The following NCOA2 variants were observed in gnomAD, a reference collection of about 807,000 sequenced individuals.
NCOA2 encodes the protein nuclear receptor coactivator 2.
A neutral mutation model predicts 145.1 loss-of-function variants in NCOA2; 21 were observed. The observed-to-expected ratio is 0.14, with a 90% CI of 0.10 to 0.21. The LOEUF (loss-of-function observed/expected upper bound fraction) is 0.21. Ranked by LOEUF, NCOA2 falls within the 10% of genes least tolerant of loss-of-function variation. The pLI, the probability that NCOA2 is intolerant of heterozygous loss-of-function variation, is 1.00. For missense variants in NCOA2, 1,472 were observed against 1,837.6 expected (o/e 0.80, Z 3.64); for synonymous variants, 619 against 637.5 (o/e 0.97, Z 0.44).
At chr8:70,252,691 A>T (rs1275666282) in intron 2 of NCOA2, among the ~76,000 whole-genome samples, 1 of 152,172 alleles carries the variant, frequency 6.6e-6, no homozygotes, top group African/African-American at 2.4e-5. Flanking sequence ...CATTGGTATT[A>T]AGGTTTTTAT....
chr8:70,172,084 A>G (rs1051778206), intron 5 of NCOA2, among the ~76,000 whole-genome samples: 7 of 152,116 alleles, frequency 4.6e-5, no homozygotes, highest in African/African-American at 1.7e-4. Flanking sequence ...TCTCAGCCTC[A>G]CAAAGGGGTG....
At chr8:70,245,339 CG>C (rs1221956655) in intron 2 of NCOA2, 2 of 152,050 alleles carry the variant, frequency 1.3e-5, no homozygotes, top group Non-Finnish European at 2.9e-5. Context: ...GTGGAACACT[CG>C]AAAATTCTTC....
At chr8:70,371,781 AAC>A (rs773993356) in intron 1 of NCOA2, among the ~76,000 whole-genome samples, 1 of 152,208 alleles carries the variant, frequency 6.6e-6, no homozygotes, top group East Asian at 1.9e-4. Context: ...CACTTACAGC[AAC>A]AGTTTCCTCA....
chr8:70,414,176 T>C, the NCOA2 span, among the ~76,000 whole-genome samples: 4 of 152,226 alleles, frequency 2.6e-5, no homozygotes, highest in Non-Finnish European at 5.9e-5. Context: ...TTACTAATAT[T>C]GGGTACTTTC....
chr8:70,443,636 GT>G, the NCOA2 span, among the ~76,000 whole-genome samples: 1 of 152,066 alleles, frequency 6.6e-6, no homozygotes, highest in Non-Finnish European at 1.5e-5. Flanking sequence ...TCAGACCATA[GT>G]TTACTGCAGC....
chr8:70,221,367 C>T (rs1820119320), intron 2 of NCOA2, among the ~76,000 whole-genome samples: 1 of 152,160 alleles, frequency 6.6e-6, no homozygotes, highest in Non-Finnish European at 1.5e-5. Context: ...CAAATGAAAA[C>T]ATTTGCTCAT....
chr8:70,290,081 A>G (rs976536687), intron 2 of NCOA2, among the ~76,000 whole-genome samples: 2 of 152,202 alleles, frequency 1.3e-5, no homozygotes, highest in South Asian at 2.1e-4. Flanking sequence ...CCTAGGCCTC[A>G]GCTAAATGCT....
chr8:70,392,511 T>G lies in NCOA2; in HGVS notation c.-77+11189A>C, dbSNP rs1397639732. On this transcript the variant is annotated intron_variant, in intron 1 of 22. Transcript: ENST00000452400. ...GTGTTGCCACAAGTATATATTAATG[T>G]GTGAACTGGAAGGTCTTTGCTCCTT... 2.0e-5 allele frequency among the ~76,000 whole-genome samples: 3 copies of G among 152,368 alleles called. No homozygotes were observed. The South Asian group carries it at 6.2e-4, about 32-fold the overall frequency.
At chr8:70,434,673 A>G in the NCOA2 span, among the ~76,000 whole-genome samples, 1 of 152,082 alleles carries the variant, frequency 6.6e-6, no homozygotes, top group Admixed American at 6.5e-5. Flanking sequence ...GGCTCACGTG[A>G]TCTTCTTGCC....
Position 70,126,897 on chromosome 8 carries a change from C to A in NCOA2, c.3832G>T (p.Ala1278Ser). ...QGLNMTPSMV[A>S]PSGMPATMSN... is the part of the protein sequence containing the mutation. ...ATAGTTGCTGGCATACCACTAGGAGCCACCATGCTTGGTGTCATATTCAAC... is the reference window on the plus strand; with the variant it reads ...ATAGTTGCTGGCATACCACTAGGAGACACCATGCTTGGTGTCATATTCAAC... The change falls in exon 19 of 23, where the codon GCT becomes TCT. Residue 1278 changes from alanine to serine, a missense_variant. By Grantham distance (99) the Ala-to-Ser change is moderately conservative (BLOSUM62 1). This residue lies in a region of NCOA2 where 232 missense variants were observed against 290.6 expected (regional missense o/e 0.80). Coordinates refer to ENST00000452400, the MANE Select transcript of NCOA2 (RefSeq NM_006540.4). 6.2e-7 allele frequency: 1 copy of A among 1,613,952 alleles called. No homozygotes were observed. The highest frequency in any genetic ancestry group is 8.5e-7 in the Non-Finnish European group (1 of 1,179,882).
At position 70,166,652 on chromosome 8, in the gene NCOA2, T is replaced by C. The variant is rs371119484; in HGVS notation, c.644A>G (p.His215Arg). 29 of 1,614,048 alleles carry C rather than the reference T, an allele frequency of 1.8e-5. No homozygotes were observed. The highest frequency in any genetic ancestry group is 3.3e-4 in the Middle Eastern group (2 of 6,062). ...TTTCTGATGAGCTTCCTGGTTATCA[T>C]GACCCTCCTCTTCTGAATCAGGTAA... is the stretch of plus-strand genomic sequence containing the variant. ...KPLPDSEEEG[H>R]DNQEAHQKYE... The change falls in exon 7 of 23, where the codon CAT (histidine) becomes CGT (arginine). Residue 215 changes from histidine to arginine, a missense_variant. By Grantham distance (29) the His-to-Arg change is conservative (BLOSUM62 0). Around this residue, in one of 4 missense-constraint regions of NCOA2, gnomAD observed 284 missense variants for 467.8 expected, o/e 0.61. Transcript: ENST00000452400.
chr8:70,122,471 G>A (rs67157277), intron 21 of NCOA2, among the ~76,000 whole-genome samples: 10,465 of 150,368 alleles, frequency 0.07, 425 homozygotes, highest in African/African-American at 0.12. Flanking sequence ...TGCCCAGACT[G>A]GTCTTGAATT....
At chr8:70,202,662 AC>A (rs1818014147) in intron 4 of NCOA2, among the ~76,000 whole-genome samples, 1 of 152,180 alleles carries the variant, frequency 6.6e-6, no homozygotes, top group Non-Finnish European at 1.5e-5. Context: ...AGAACTAGAA[AC>A]TAGAATGGTG....
At chr8:70,422,129 C>CA in the NCOA2 span, among the ~76,000 whole-genome samples, 8 of 151,468 alleles carry the variant, frequency 5.3e-5, no homozygotes, top group Non-Finnish European at 7.4e-5. Flanking sequence ...AACAAACCAC[C>CA]AAAAAAAAGA....
intron 2 of NCOA2, among the ~76,000 whole-genome samples, chr8:70,264,282 C>T (rs948884318): frequency 6.6e-6 from 1 of 151,392 alleles, no homozygotes; most frequent in Non-Finnish European, 1.5e-5. Context: ...CTTTGGGAGG[C>T]TGAGGCAGGA....
chr8:70,337,553 G>GAAA (rs1402051751), intron 1 of NCOA2, among the ~76,000 whole-genome samples: 1 of 152,074 alleles, frequency 6.6e-6, no homozygotes, highest in Non-Finnish European at 1.5e-5. Context: ...CTGTAACACT[G>GAAA]AAAACAGTCA....
At chr8:70,123,529 AC>A (rs942628771) in intron 21 of NCOA2, among the ~76,000 whole-genome samples, 1 of 150,734 alleles carries the variant, frequency 6.6e-6, no homozygotes, top group African/African-American at 2.4e-5. Context: ...ACAAAACAAA[AC>A]CCCCCCAAAC....
chr8:70,239,429 T>C (rs1239692413), intron 2 of NCOA2, among the ~76,000 whole-genome samples: 2 of 152,218 alleles, frequency 1.3e-5, no homozygotes, highest in Non-Finnish European at 2.9e-5. Context: ...CTACAGTCTT[T>C]GTTGATCTTC....
At chr8:70,157,740 A>G (rs1007808540) in intron 10 of NCOA2, among the ~76,000 whole-genome samples, 2 of 152,206 alleles carry the variant, frequency 1.3e-5, no homozygotes, top group African/African-American at 4.8e-5. Flanking sequence ...CCTAACTGTT[A>G]AAAGAGAAAC....
Sources: allele counts gnomAD v4.1 joint callset (sites outside exome capture counted in the v4.1 genomes callset), GRCh38; gene constraint gnomAD v4.1.1; regional missense constraint gnomAD v4.1.1; transcripts MANE v1.5; gene names NCBI Gene and HGNC (gene_info 2026-07-23, HGNC 2026-07-21).